The following MEGF11 variants were observed in gnomAD, a reference collection of about 807,000 sequenced individuals.
MEGF11 encodes multiple epidermal growth factor-like domains protein 11.
A neutral mutation model predicts 146.6 loss-of-function variants in MEGF11; 126 were observed. The ratio of observed to expected loss-of-function variants is 0.86; its 90% CI spans 0.74 to 1.00. The LOEUF is 1.00. MEGF11 is among the 50% of genes least tolerant of loss of function. MEGF11 has a pLI of 0.00. For synonymous variants in MEGF11, 532 were observed against 583.4 expected (o/e 0.91, Z 1.27); for missense variants, 1,509 against 1,521.2 (o/e 0.99, Z 0.13).
chr15:66,132,250 G>A (rs1597113245), intron 1 of MEGF11, among the ~76,000 whole-genome samples: 1 of 151,388 alleles, frequency 6.6e-6, no homozygotes, highest in Non-Finnish European at 1.5e-5. Context: ...GCACACACCT[G>A]TCCAGACATT....
chr15:66,068,364 G>A (rs1457224950), intron 5 of MEGF11, among the ~76,000 whole-genome samples: 1 of 152,206 alleles, frequency 6.6e-6, no homozygotes, highest in African/African-American at 2.4e-5. Flanking sequence ...CACGCTGTAG[G>A]ATGTCTAGCA....
At chr15:66,155,128 A>T (rs1018978496) in intron 1 of MEGF11, among the ~76,000 whole-genome samples, 1 of 152,366 alleles carries the variant, frequency 6.6e-6, no homozygotes, top group African/African-American at 2.4e-5. Context: ...ATTTATGAGC[A>T]GGTCCTGAAT....
chr15:66,071,300 G>A (rs1597052348), intron 5 of MEGF11, among the ~76,000 whole-genome samples: 4 of 152,290 alleles, frequency 2.6e-5, no homozygotes, highest in African/African-American at 9.6e-5. Context: ...CTAGCCTGGA[G>A]TCTGCCCTCC....
chr15:65,942,974 C>CTTTTTTT (rs58874869), intron 10 of MEGF11, among the ~76,000 whole-genome samples: 62 of 47,616 alleles, frequency 1.3e-3, no homozygotes, highest in Non-Finnish European at 1.8e-3. Context: ...AACAACTTGG[C>CTTTTTTT]TTTTTTTTTT....
rs936019296 is a variant in MEGF11, at chr15:65,897,817, G to A, written c.*117C>T. 4 of 960,550 alleles carry A rather than the reference G, an allele frequency of 4.2e-6. No homozygotes were observed. Among genetic ancestry groups the A allele is most frequent in the Non-Finnish European group, 1.5e-6 (1 of 661,642 alleles). 59.5% of individuals were successfully genotyped at this position (960,550 alleles called of 1,614,324 possible). A position where few individuals can be genotyped will look rare whatever the true frequency, so the allele number is the denominator to read the frequency against. On this transcript the variant is annotated 3_prime_UTR_variant, in exon 26 of 26. Coordinates refer to ENST00000395614, the MANE Select transcript of MEGF11 (RefSeq NM_001385028.1). ...CGCTCTTCTTTAGTTCCAGGTGAAC[G>A]TAATAACTAACATGCAGCTGGAGCC...
intron 1 of MEGF11, among the ~76,000 whole-genome samples, chr15:66,229,610 G>C (rs1432002581): frequency 6.6e-6 from 1 of 152,212 alleles, no homozygotes; most frequent in African/African-American, 2.4e-5. Context: ...AGACAATTCA[G>C]TAGGATGACA....
chr15:65,985,304 G>A (rs1015378374), intron 5 of MEGF11, among the ~76,000 whole-genome samples: 16 of 152,190 alleles, frequency 1.1e-4, no homozygotes, highest in African/African-American at 3.6e-4. Flanking sequence ...ACTTTCTGGA[G>A]GATGAGTCCA....
At chr15:65,968,068 T>TG (rs2081172393) in intron 8 of MEGF11, among the ~76,000 whole-genome samples, 1 of 152,158 alleles carries the variant, frequency 6.6e-6, no homozygotes, top group Admixed American at 6.5e-5. Context: ...TTGTCATATT[T>TG]CAGCCAATCT....
chr15:65,929,727 G>C lies in MEGF11; in HGVS notation c.1565C>G (p.Pro522Arg), dbSNP rs150279963. 6.4e-7 allele frequency: 1 copy of C among 1,551,420 alleles called. No individual in the cohort carries two copies. Among genetic ancestry groups the C allele is most frequent in the Non-Finnish European group, 8.7e-7 (1 of 1,146,848 alleles). ...PGWLGDTCEL[P>R]CPDGTFGLNC... ...CCCCACCCTGGCACTCACCGGGCAA[G>C]GCAGCTCACAGGTGTCTCCCAGCCA... is the stretch of plus-strand genomic sequence containing the variant. The change falls in exon 12 of 26, where the codon CCT becomes CGT. Residue 522 changes from proline to arginine, a missense_variant. Coordinates refer to ENST00000395614, the MANE Select transcript of MEGF11 (RefSeq NM_001385028.1).
intron 5 of MEGF11, among the ~76,000 whole-genome samples, chr15:66,079,154 T>A (rs888439272): frequency 2.0e-5 from 3 of 152,170 alleles, no homozygotes; most frequent in African/African-American, 7.2e-5. Context: ...GGGAGAGCAG[T>A]GGCCCCACAC....
chr15:66,084,166 T>C (rs571186631), intron 5 of MEGF11, among the ~76,000 whole-genome samples: 2 of 152,268 alleles, frequency 1.3e-5, no homozygotes, highest in African/African-American at 4.8e-5. Context: ...CCATCGTATA[T>C]GCGGTCAGTC....
intron 10 of MEGF11, among the ~76,000 whole-genome samples, chr15:65,947,210 A>G (rs187504780): frequency 6.9e-4 from 105 of 151,776 alleles, no homozygotes; most frequent in African/African-American, 2.4e-3. Flanking sequence ...GTTGATAATT[A>G]CTCTTGCAGA....
At chr15:66,061,895 A>C (rs2084922645) in intron 5 of MEGF11, among the ~76,000 whole-genome samples, 1 of 152,198 alleles carries the variant, frequency 6.6e-6, no homozygotes, top group Non-Finnish European at 1.5e-5. Context: ...GCTTCAGCTT[A>C]AGTAGCTGGT....
Position 66,058,238 on chromosome 15 carries a change from C to T in MEGF11, c.394+36164G>A, listed in dbSNP as rs563987249. Among the ~76,000 whole-genome samples the T allele has an allele frequency of 6.6e-5, 10 of 152,118 alleles. No homozygotes were observed. The East Asian group carries it at 1.4e-3, about 21-fold the overall frequency. On this transcript the variant is annotated intron_variant, in intron 5 of 25. Transcript: ENST00000395614. ...ACCTCTCAGCCATATAACAGGGCAA[C>T]GGCAGTAAATGGATAATATCAGAAT...
intron 1 of MEGF11, among the ~76,000 whole-genome samples, chr15:66,204,962 T>C (rs973084568): frequency 1.3e-5 from 2 of 148,738 alleles, no homozygotes; most frequent in African/African-American, 4.9e-5. Flanking sequence ...AACATGGTGG[T>C]GTGTTCCTTG....
intron 1 of MEGF11, among the ~76,000 whole-genome samples, chr15:66,221,672 T>C (rs11071873): frequency 0.55 from 83,250 of 150,720 alleles, 23,704 homozygotes; most frequent in East Asian, 0.77. Context: ...ATTTCTGGGG[T>C]ACTCCCTTAT....
chr15:66,201,214 AAGTC>A (rs1442524971), intron 1 of MEGF11, among the ~76,000 whole-genome samples: 1 of 152,096 alleles, frequency 6.6e-6, no homozygotes, highest in Non-Finnish European at 1.5e-5. Flanking sequence ...ATCCCACCAC[AAGTC>A]CAGCTCACCT....
chr15:66,087,916 C>T (rs1600053), intron 5 of MEGF11, among the ~76,000 whole-genome samples: 145,870 of 152,298 alleles, frequency 0.96, 70,152 homozygotes, highest in East Asian at 1. Context: ...ATAAAACTGA[C>T]AGACCATTAG....
In MEGF11 at chr15:65,959,101, A is replaced by G. The variant is rs1283633105; in HGVS notation, c.1113-1380T>C. Among the ~76,000 whole-genome samples the G allele has an allele frequency of 2.6e-5, 4 of 152,348 alleles. No homozygotes were observed. In the East Asian group the frequency reaches 7.7e-4, roughly 29 times the overall value. On this transcript the variant is annotated intron_variant, in intron 9 of 25. Transcript: ENST00000395614. The stretch of plus-strand genomic sequence containing the variant: ...TTGGGAAATGAATACAGCTTCCTCT[A>G]AATATAATTATCTTCCATTGATTCT...
Sources: gnomAD v4.1 joint callset for allele counts (sites outside exome capture counted in the v4.1 genomes callset) on GRCh38, gnomAD v4.1.1 for gene constraint, MANE v1.5 for transcripts, NCBI Gene and HGNC (gene_info 2026-07-23, HGNC 2026-07-21) for gene names.